Variants in FYN observed in about 807,000 individuals in gnomAD.
FYN encodes tyrosine-protein kinase Fyn.
A neutral mutation model predicts 70.2 loss-of-function variants in FYN; 10 were observed. The ratio of observed to expected loss-of-function variants is 0.14; its 90% CI spans 0.09 to 0.24. The LOEUF is 0.24. Ranked by LOEUF, FYN falls within the 10% of genes least tolerant of loss-of-function variation. FYN has a pLI of 1.00. For missense variants in FYN, 319 were observed against 673.1 expected, an observed-to-expected ratio of 0.47 and a Z score of 5.82; for synonymous variants, 236 against 248.6, an observed-to-expected ratio of 0.95 and a Z score of 0.48.
intron 3 of FYN, among the ~76,000 whole-genome samples, chr6:111,739,064 T>A (rs1254258796): frequency 3.3e-5 from 5 of 152,150 alleles, no homozygotes; most frequent in Non-Finnish European, 7.4e-5. Flanking sequence ...CTCTGTCCAT[T>A]GCCATCACTC....
intron 12 of FYN, among the ~76,000 whole-genome samples, chr6:111,683,391 G>T (rs1798856530): frequency 2.0e-5 from 3 of 152,208 alleles, no homozygotes; most frequent in Non-Finnish European, 4.4e-5. Flanking sequence ...GAGCTGAACT[G>T]CCAAGTCTCT....
chr6:111,719,776 C>T (rs558522451), intron 4 of FYN, 29 bp downstream of exon 4: 1 of 1,609,914 alleles, frequency 6.2e-7, no homozygotes, highest in South Asian at 1.1e-5. Flanking sequence ...GCTGCCCCCT[C>T]TCTGCACTCT....
Position 111,682,523 on chromosome 6 carries a change from T to C in FYN, c.1274-7893A>G, listed in dbSNP as rs1406880650. ...ATACATTAAGATGATGGCATGGGCATTTCAAATGCTCCAATGAAGACTGCA... is the reference window on the plus strand; with the variant it reads ...ATACATTAAGATGATGGCATGGGCACTTCAAATGCTCCAATGAAGACTGCA... On this transcript the variant is annotated intron_variant, in intron 12 of 13. Coordinates refer to ENST00000354650, the MANE Select transcript of FYN (RefSeq NM_002037.5). Among the ~76,000 whole-genome samples the C allele has an allele frequency of 2.0e-5, 3 of 152,258 alleles. No individual in the cohort carries two copies. In the East Asian group the frequency reaches 5.8e-4, roughly 29 times the overall value.
chr6:111,663,865 C>G (rs1019489728), intron 13 of FYN, among the ~76,000 whole-genome samples: 1 of 152,172 alleles, frequency 6.6e-6, no homozygotes, highest in African/African-American at 2.4e-5. Context: ...AAGGGAGGAA[C>G]TGGAGCATGC....
intron 10 of FYN, among the ~76,000 whole-genome samples, chr6:111,695,920 C>A (rs1263741355): frequency 6.6e-6 from 1 of 152,068 alleles, no homozygotes; most frequent in African/African-American, 2.4e-5. Context: ...TTTAGCCCTG[C>A]AAAAAGGAAA....
chr6:111,799,448 T>C (rs994712113), intron 2 of FYN, among the ~76,000 whole-genome samples: 1 of 152,166 alleles, frequency 6.6e-6, no homozygotes, highest in Non-Finnish European at 1.5e-5. Context: ...TTACTGGCTA[T>C]TGACATGACT....
intron 13 of FYN, among the ~76,000 whole-genome samples, chr6:111,663,342 C>T (rs756733893): frequency 1.2e-4 from 19 of 152,188 alleles, no homozygotes; most frequent in African/African-American, 1.9e-4. Flanking sequence ...GGGGAGGTGG[C>T]GACCCGTTAG....
At chr6:111,662,440 C>T (rs1018885360) in intron 13 of FYN, among the ~76,000 whole-genome samples, 1 of 152,106 alleles carries the variant, frequency 6.6e-6, no homozygotes, top group Admixed American at 6.5e-5. Flanking sequence ...TTTTAACAAC[C>T]CTTTAAAAAC....
intron 12 of FYN, among the ~76,000 whole-genome samples, chr6:111,679,808 G>A (rs778806661): frequency 1.2e-4 from 19 of 152,104 alleles, no homozygotes; most frequent in Admixed American, 7.9e-4. Flanking sequence ...CCTTTGGGTC[G>A]GAGTGAATGT....
chr6:111,743,336 TCTGTATCC>T (rs1802066872), intron 3 of FYN, among the ~76,000 whole-genome samples: 1 of 152,226 alleles, frequency 6.6e-6, no homozygotes, highest in South Asian at 2.1e-4. Context: ...GCTTCCTCTA[TCTGTATCC>T]CTGTATTTCT....
At chr6:111,872,744 TC>T (rs1774320573) in intron 1 of FYN, among the ~76,000 whole-genome samples, 1 of 151,666 alleles carries the variant, frequency 6.6e-6, no homozygotes, top group African/African-American at 2.4e-5. Context: ...GGGGTCCCCA[TC>T]CCCGCGCTGC....
At chr6:111,763,000 T>A in intron 3 of FYN, among the ~76,000 whole-genome samples, 1 of 152,212 alleles carries the variant, frequency 6.6e-6, no homozygotes, top group East Asian at 1.9e-4. Flanking sequence ...TTCATCCACA[T>A]GACAAGAATC....
intron 1 of FYN, among the ~76,000 whole-genome samples, chr6:111,866,055 A>G (rs1369817691): frequency 1.3e-5 from 2 of 152,202 alleles, no homozygotes; most frequent in Non-Finnish European, 2.9e-5. Context: ...TATTGTCATC[A>G]TCCCTTCCCT....
Position 111,694,860 on chromosome 6 carries a change from A to G in FYN, c.1043-156T>C, listed in dbSNP as rs551266964. ...AAAGGTTTATATAAAAAAGCAGGGT[A>G]GAAAAAAGTATAGGCATGGAGAAGT... is the stretch of plus-strand genomic sequence containing the variant. On this transcript the variant is annotated intron_variant, in intron 10 of 13. Coordinates refer to ENST00000354650, the MANE Select transcript of FYN (RefSeq NM_002037.5). The surrounding 1 kb of genome is among the most constrained non-coding windows in gnomAD (Gnocchi z 5.0). Among the ~76,000 whole-genome samples, 2 of 152,374 alleles carry G rather than the reference A, an allele frequency of 1.3e-5. No homozygotes were observed. Among genetic ancestry groups the G allele is most frequent in the South Asian group, 4.1e-4 (2 of 4,832 alleles).
At chr6:111,817,735 T>C (rs1336997808) in intron 2 of FYN, among the ~76,000 whole-genome samples, 1 of 152,254 alleles carries the variant, frequency 6.6e-6, no homozygotes, top group Non-Finnish European at 1.5e-5. Context: ...TTTCCTTAAA[T>C]GCTGGATTGA....
intron 2 of FYN, among the ~76,000 whole-genome samples, chr6:111,813,107 G>A (rs1460803838): frequency 6.6e-6 from 1 of 152,166 alleles, no homozygotes; most frequent in East Asian, 1.9e-4. Context: ...CAATTGTGTT[G>A]TAAAATCATG....
At chr6:111,716,835 A>C (rs1295605201) in intron 4 of FYN, among the ~76,000 whole-genome samples, 1 of 145,184 alleles carries the variant, frequency 6.9e-6, no homozygotes, top group Non-Finnish European at 1.5e-5. Context: ...CCCAGGCTGG[A>C]GTGCAGTGGC....
chr6:111,868,532 GA>G (rs140840305), intron 1 of FYN, among the ~76,000 whole-genome samples: 7,632 of 152,240 alleles, frequency 0.05, 242 homozygotes, highest in South Asian at 0.12. Context: ...GGAGGGTAGG[GA>G]TGAATATTGT....
chr6:111,688,985 T>C (rs191559662), intron 12 of FYN, among the ~76,000 whole-genome samples: 177 of 152,316 alleles, frequency 1.2e-3, no homozygotes, highest in Non-Finnish European at 1.7e-3. Context: ...ATTTTTTCCC[T>C]ATTTATTACT....
Sources: allele counts gnomAD v4.1 joint callset (sites outside exome capture counted in the v4.1 genomes callset), GRCh38; gene constraint gnomAD v4.1.1; non-coding constraint Gnocchi (gnomAD v3.1); transcripts MANE v1.5; gene names NCBI Gene and HGNC (gene_info 2026-07-23, HGNC 2026-07-21).